The following TM2D3 variants were observed in gnomAD, a reference collection of about 807,000 sequenced individuals.
TM2D3 encodes the protein TM2 domain-containing protein 3.
A neutral mutation model predicts 27.3 loss-of-function variants in TM2D3; 33 were observed. The ratio of observed to expected loss-of-function variants is 1.21; its 90% CI spans 0.92 to 1.61. TM2D3 has a LOEUF of 1.61. TM2D3 is among the 40% of genes most tolerant of loss of function. TM2D3 has a pLI of 0.00. For synonymous variants in TM2D3, 138 were observed against 122.2 expected (o/e 1.13, Z -0.85); for missense variants, 364 against 320.8 (o/e 1.13, Z -1.03).
downstream of TM2D3, among the ~76,000 whole-genome samples, chr15:101,637,221 G>A (rs919438948): frequency 6.6e-5 from 10 of 152,330 alleles, no homozygotes; most frequent in Middle Eastern, 3.4e-3. Flanking sequence ...ACAGAGGGGA[G>A]TGTCTGGGTT....
intron 4 of TM2D3, chr15:101,646,369 C>G: frequency 9.6e-6 from 1 of 103,702 alleles, no homozygotes. Context: ...GGGTGGTTAC[C>G]TTGGAAGAGG....
At chr15:101,637,006 C>A, downstream of TM2D3, 3 of 319,380 alleles carry the variant, frequency 9.4e-6, no homozygotes, top group South Asian at 2.3e-5. Flanking sequence ...GTCCTAAGAA[C>A]ATGTGCCCGG....
intron 4 of TM2D3, chr15:101,633,978 T>C (rs1000245959): frequency 5.6e-6 from 2 of 359,172 alleles, no homozygotes; most frequent in Non-Finnish European, 9.9e-6. Flanking sequence ...TTAATACAAA[T>C]AGAAAGTAGA....
chr15:101,640,662 A>T (rs1040272509), downstream of TM2D3, among the ~76,000 whole-genome samples: 5 of 152,204 alleles, frequency 3.3e-5, no homozygotes, highest in African/African-American at 9.6e-5. Context: ...GTATGAGTTC[A>T]TCGTTCATAA....
chr15:101,642,066 T>C lies in TM2D3; in HGVS notation c.*413A>G, dbSNP rs1055803841. ...CAACAACAGAAACACTCCCACTTCC[T>C]GCAGTCACAGCAATTAGCTAACAAT... On this transcript the variant is annotated 3_prime_UTR_variant, in exon 6 of 6. Transcript: ENST00000333202. 2.2e-5 allele frequency: 22 copies of C among 987,382 alleles called. No individual in the cohort carries two copies. The highest frequency in any genetic ancestry group is 2.5e-5 in the Non-Finnish European group (21 of 831,116). 61.2% of individuals were successfully genotyped at this position (987,382 alleles called of 1,614,324 possible). A position where few individuals can be genotyped will look rare whatever the true frequency, so the allele number is the denominator to read the frequency against.
At chr15:101,641,037 GA>G (rs1359691171), downstream of TM2D3, among the ~76,000 whole-genome samples, 1 of 152,184 alleles carries the variant, frequency 6.6e-6, no homozygotes, top group Non-Finnish European at 1.5e-5. Context: ...GCTCAACAGG[GA>G]AGTATTAGAT....
exon 5 of TM2D3, chr15:101,633,698 C>G (rs1896495447): frequency 2.6e-6 from 4 of 1,533,680 alleles, no homozygotes; most frequent in Non-Finnish European, 3.5e-6. Flanking sequence ...CAACAGTGAG[C>G]TGAACATGAA....
At chr15:101,639,664 A>G (rs1028773679), downstream of TM2D3, among the ~76,000 whole-genome samples, 1 of 152,188 alleles carries the variant, frequency 6.6e-6, no homozygotes, top group Non-Finnish European at 1.5e-5. Flanking sequence ...ATCTTTGAAA[A>G]AATCTTTTTA....
At position 101,646,838 on chromosome 15, in the gene TM2D3, T is replaced by G. The variant is rs997344364; in HGVS notation, c.389A>C (p.Gln130Pro). The G allele has an allele frequency of 6.2e-7, 1 of 1,614,094 alleles. No individual in the cohort carries two copies. The highest frequency in any genetic ancestry group is 1.3e-5 in the African/African-American group (1 of 74,932). ...ACACTCGTAATCTGTTTCAGGAAGC[T>G]GCCAGCAAAATCTGCAAGTCATGTT... ...IINMTCRFCW[Q>P]LPETDYECTN... Residue 130 changes from glutamine to proline, a missense_variant, in exon 4 of 6, where the codon CAG (glutamine) becomes CCG (proline). By Grantham distance (76) the Gln-to-Pro change is moderately conservative. Transcript: ENST00000333202.
rs528900483 is a variant in TM2D3 at position 101,646,710 on chromosome 15, T to G, written c.502+15A>C. The stretch of plus-strand genomic sequence containing the variant: ...AAAACATTTTGTTGACAAATGTCCT[T>G]GAACTCTGACCTACCCAAGCAGTGG... On this transcript the variant is annotated intron_variant, in intron 4 of 5. Coordinates refer to ENST00000333202, the MANE Select transcript of TM2D3 (RefSeq NM_078474.3). 1 of 1,614,124 alleles carries G rather than the reference T, an allele frequency of 6.2e-7. No individual in the cohort carries two copies. The highest frequency in any genetic ancestry group is 8.5e-7 in the Non-Finnish European group (1 of 1,179,990).
intron 4 of TM2D3, chr15:101,635,398 A>C (rs1247264856): frequency 6.6e-6 from 1 of 152,176 alleles, no homozygotes; most frequent in Non-Finnish European, 1.5e-5. Flanking sequence ...AGCATTTTTT[A>C]TATTTAGTGA....
chr15:101,634,247 A>G (rs974664924), intron 4 of TM2D3: 1 of 152,508 alleles, frequency 6.6e-6, no homozygotes, highest in East Asian at 1.9e-4. Context: ...CAGCCTGGCT[A>G]ACATGGCAAA....
intron 4 of TM2D3, 99 bp from the exon 5 acceptor site, chr15:101,645,261 C>T: frequency 9.9e-7 from 1 of 1,009,918 alleles, no homozygotes; most frequent in Non-Finnish European, 1.5e-6. Flanking sequence ...TGTGAAAAGT[C>T]AACTCTCTTT....
At chr15:101,634,192 G>A (rs1449753442) in intron 4 of TM2D3, 1 of 152,740 alleles carries the variant, frequency 6.5e-6, no homozygotes, top group African/African-American at 2.4e-5. Flanking sequence ...CCAGCACTTT[G>A]GGAGGCCGAA....
At chr15:101,635,381 A>G (rs1203192377) in intron 4 of TM2D3, 1 of 152,164 alleles carries the variant, frequency 6.6e-6, no homozygotes, top group African/African-American at 2.4e-5. Context: ...ACTGTTTGCA[A>G]TCTGTGAGCA....
intron 5 of TM2D3, 74 bp from the exon 6 acceptor site, chr15:101,642,718 A>G: frequency 7.7e-7 from 1 of 1,301,292 alleles, no homozygotes; most frequent in Non-Finnish European, 1.0e-6. Flanking sequence ...TTTAATCACC[A>G]CATTATGTCA....
rs372607502 is a variant in TM2D3 at position 101,642,560 on chromosome 15, G to A, written c.663C>T (p.Gly221=). 131 of 1,612,854 alleles carry A rather than the reference G, an allele frequency of 8.1e-5. 1 individual carries two copies. The highest frequency in any genetic ancestry group is 9.7e-5 in the Non-Finnish European group (115 of 1,179,772). Residue 221 remains glycine (G), a synonymous_variant, in exon 6 of 6, where the codon GGC becomes GGT. Coordinates refer to ENST00000333202, the MANE Select transcript of TM2D3 (RefSeq NM_078474.3). ...EGLGKLFSFG[G]LGIWTLIDVL... ...CGTCTATCAGCGTCCATATTCCCAG[G>A]CCACCGAAGCTGAAGAGCTTGCCGA...
At chr15:101,649,609 A>C (rs1481502176) in intron 3 of TM2D3, among the ~76,000 whole-genome samples, 1 of 152,244 alleles carries the variant, frequency 6.6e-6, no homozygotes, top group East Asian at 1.9e-4. Context: ...CTGGCCCTTC[A>C]AAAGCTCATC....
Position 101,646,763 on chromosome 15 carries a change from G to A in TM2D3, c.464C>T (p.Pro155Leu), listed in dbSNP as rs139709573. The A allele has an allele frequency of 2.9e-4, 469 of 1,614,234 alleles. 2 individuals carry two copies. The Middle Eastern group carries it at 7.9e-3, about 27-fold the overall frequency. The change falls in exon 4 of 6, where the codon CCT becomes CTT. Residue 155 changes from proline to leucine, a missense_variant. Physicochemically the swap from Pro to Leu is moderately conservative, Grantham distance 98. Transcript: ENST00000333202. Reference sequence around the variant, plus strand: ...GTGGTCCCGCACCGTGCAGTTGGCAGGGTAGCGCTGCCGAGGACAGGACAC... The same window carrying A: ...GTGGTCCCGCACCGTGCAGTTGGCAAGGTAGCGCTGCCGAGGACAGGACAC... ...MTVSCPRQRY[P>L]ANCTVRDHVH...
Sources: allele counts gnomAD v4.1 joint callset (sites outside exome capture counted in the v4.1 genomes callset), GRCh38; gene constraint gnomAD v4.1.1; transcripts MANE v1.5; gene names NCBI Gene and HGNC (gene_info 2026-07-23, HGNC 2026-07-21).